Variants in SOX6 observed in about 807,000 individuals in gnomAD.
SOX6 encodes transcription factor SOX-6.
A neutral mutation model predicts 97.8 loss-of-function variants in SOX6; 11 were observed. That is an observed-to-expected ratio of 0.11 (90% confidence interval 0.07 to 0.19). The LOEUF is 0.19. Ranked by LOEUF, SOX6 falls within the 10% of genes least tolerant of loss-of-function variation. The probability of loss-of-function intolerance (pLI) is 1.00; values close to 1 mark genes in which losing one functional copy is unlikely to be tolerated. For synonymous variants in SOX6, 360 were observed against 371.4 expected (o/e 0.97, Z 0.35); for missense variants, 810 against 1,039.5 (o/e 0.78, Z 3.04).
chr11:16,244,689 T>A (rs1853285296), intron 3 of SOX6, among the ~76,000 whole-genome samples: 1 of 151,740 alleles, frequency 6.6e-6, no homozygotes, highest in Non-Finnish European at 1.5e-5. Context: ...AAAAAGATTA[T>A]CTTTTTCCCA....
intron 9 of SOX6, 27 bp downstream of exon 9, chr11:16,095,969 A>G (rs1848784422): frequency 3.1e-6 from 5 of 1,609,396 alleles, no homozygotes; most frequent in Admixed American, 1.7e-5. Context: ...CCCCAACCCA[A>G]TGAAGCATCA....
intron 7 of SOX6, among the ~76,000 whole-genome samples, chr11:16,102,924 A>G (rs1001559286): frequency 6.6e-6 from 1 of 152,108 alleles, no homozygotes; most frequent in African/African-American, 2.4e-5. Context: ...TAAAGATTCT[A>G]GAAGATAACA....
At chr11:16,091,131 G>A (rs763952998) in intron 9 of SOX6, among the ~76,000 whole-genome samples, 1 of 152,010 alleles carries the variant, frequency 6.6e-6, no homozygotes, top group Non-Finnish European at 1.5e-5. Context: ...TCTAAGCCTA[G>A]TTGTAATGGT....
chr11:16,244,916 T>G (rs1483987331), intron 3 of SOX6, among the ~76,000 whole-genome samples: 1 of 151,856 alleles, frequency 6.6e-6, no homozygotes, highest in Admixed American at 6.6e-5. Context: ...TTCTTCTATT[T>G]CAAATTTGTT....
At chr11:16,219,274 G>C (rs1297412603) in intron 4 of SOX6, among the ~76,000 whole-genome samples, 2 of 152,088 alleles carry the variant, frequency 1.3e-5, no homozygotes, top group Admixed American at 1.3e-4. Context: ...CTTCCATAAG[G>C]AAGTTGCCTT....
intron 6 of SOX6, among the ~76,000 whole-genome samples, chr11:16,182,600 A>G (rs1011688115): frequency 1.3e-5 from 2 of 151,956 alleles, no homozygotes; most frequent in African/African-American, 4.8e-5. Flanking sequence ...ACTGTCAAAA[A>G]TGCCAGACAT....
At chr11:16,382,785 A>G (rs1392343117) in intron 1 of SOX6, among the ~76,000 whole-genome samples, 1 of 151,920 alleles carries the variant, frequency 6.6e-6, no homozygotes, top group Non-Finnish European at 1.5e-5. Context: ...AGAGAGTTCA[A>G]TGTGGAATCA....
intron 1 of SOX6, among the ~76,000 whole-genome samples, chr11:16,342,001 A>T (rs775596966): frequency 2.6e-5 from 4 of 152,038 alleles, no homozygotes; most frequent in African/African-American, 9.7e-5. Flanking sequence ...TCTATTTTAT[A>T]TTAGGAAGTA....
At chr11:16,248,737 T>C (rs1853415490) in intron 3 of SOX6, among the ~76,000 whole-genome samples, 2 of 152,152 alleles carry the variant, frequency 1.3e-5, no homozygotes, top group African/African-American at 4.8e-5. Flanking sequence ...TGGCCTGTAA[T>C]GGGAGGGGCT....
At chr11:16,062,576 T>G (rs1313714737) in intron 9 of SOX6, among the ~76,000 whole-genome samples, 1 of 151,726 alleles carries the variant, frequency 6.6e-6, no homozygotes, top group Non-Finnish European at 1.5e-5. Flanking sequence ...AAATATAGAA[T>G]GTTTTTCCTG....
intron 4 of SOX6, among the ~76,000 whole-genome samples, chr11:16,546,864 T>C (rs1249628387): frequency 6.6e-6 from 1 of 152,198 alleles, no homozygotes; most frequent in Non-Finnish European, 1.5e-5. Flanking sequence ...ACTAGTCATC[T>C]GACAAGAGAC....
intron 10 of SOX6, among the ~76,000 whole-genome samples, chr11:16,052,534 A>T (rs1847711854): frequency 6.6e-6 from 1 of 151,826 alleles, no homozygotes; most frequent in Non-Finnish European, 1.5e-5. Context: ...AGTTGTTTTT[A>T]CTTTCTTATC....
rs932164319 is a variant in SOX6 at position 16,493,416 on chromosome 11, G to A, written n.610-17028C>T. ...TTGTATAAGCATGCATGCTCTGGGGGTGAAACTATAAAGAAAAGCAAGAAG... is the reference window on the plus strand; with the variant it reads ...TTGTATAAGCATGCATGCTCTGGGGATGAAACTATAAAGAAAAGCAAGAAG... On this transcript the variant is annotated intron_variant and non_coding_transcript_variant, in intron 4 of 5. Transcript: ENST00000524520. Among the ~76,000 whole-genome samples the A allele has an allele frequency of 1.9e-4, 29 of 152,286 alleles. No homozygotes were observed. The South Asian group carries it at 3.3e-3, about 17-fold the overall frequency.
At chr11:16,207,839 T>C (rs1387996609) in intron 4 of SOX6, among the ~76,000 whole-genome samples, 1 of 151,234 alleles carries the variant, frequency 6.6e-6, no homozygotes. Flanking sequence ...AAACAACAAG[T>C]ATCAACAGTG....
chr11:16,106,324 T>C (rs146382291), intron 7 of SOX6, among the ~76,000 whole-genome samples: 18 of 150,834 alleles, frequency 1.2e-4, no homozygotes, highest in Admixed American at 4.7e-4. Flanking sequence ...TAAAACAGGA[T>C]GGTACTGGCA....
intron 4 of SOX6, among the ~76,000 whole-genome samples, chr11:16,534,814 C>T (rs1861283582): frequency 6.6e-6 from 1 of 152,146 alleles, no homozygotes; most frequent in South Asian, 2.1e-4. Flanking sequence ...AGAAAAGCTT[C>T]GTCCATCACA....
chr11:16,429,003 G>A (rs1859215889), intron 1 of SOX6, among the ~76,000 whole-genome samples: 1 of 151,652 alleles, frequency 6.6e-6, no homozygotes, highest in Admixed American at 6.6e-5. Flanking sequence ...TTATTTCATT[G>A]AGCAGTGGTT....
intron 9 of SOX6, among the ~76,000 whole-genome samples, chr11:16,064,909 C>A (rs958806299): frequency 4.0e-5 from 6 of 151,820 alleles, no homozygotes; most frequent in Non-Finnish European, 7.4e-5. Flanking sequence ...CAGCAAATAC[C>A]ATACTCAATG....
At chr11:16,543,891 T>C (rs1432277678) in intron 4 of SOX6, among the ~76,000 whole-genome samples, 1 of 152,136 alleles carries the variant, frequency 6.6e-6, no homozygotes, top group African/African-American at 2.4e-5. Flanking sequence ...TGTATCTTCC[T>C]AAAGAAAACA....
Sources: gnomAD v4.1 joint callset for allele counts (sites outside exome capture counted in the v4.1 genomes callset) on GRCh38, gnomAD v4.1.1 for gene constraint, MANE v1.5 for transcripts, NCBI Gene and HGNC (gene_info 2026-07-23, HGNC 2026-07-21) for gene names.